Variants in BCAS3 observed in about 807,000 individuals in gnomAD.
BCAS3 encodes the protein BCAS3 microtubule associated cell migration factor, also known as BCAS4/BCAS3 fusion.
A neutral mutation model predicts 116.1 loss-of-function variants in BCAS3; 53 were observed. That is an observed-to-expected ratio of 0.46 (90% CI 0.37 to 0.57). The LOEUF is 0.57. Ranked by LOEUF, BCAS3 falls within the 20% of genes least tolerant of loss-of-function variation. The pLI is 0.00. For missense variants in BCAS3, 917 were observed against 1,165.4 expected (o/e 0.79, Z 3.10); for synonymous variants, 391 against 408.2 (o/e 0.96, Z 0.51).
intron 6 of BCAS3, among the ~76,000 whole-genome samples, chr17:60,759,050 T>A (rs1240636867): frequency 6.6e-6 from 1 of 151,768 alleles, no homozygotes; most frequent in Non-Finnish European, 1.5e-5. Flanking sequence ...CTCGACTCAC[T>A]GCAACCTCTG....
Position 61,040,812 on chromosome 17 carries a change from T to C in BCAS3, c.1949T>C (p.Leu650Ser), listed in dbSNP as rs774608547. The change falls in exon 19 of 24, where the codon TTG (leucine) becomes TCG (serine). Residue 650 changes from leucine to serine, a missense_variant. By Grantham distance (145) the Leu-to-Ser change is moderately radical. Transcript: ENST00000407086. ...TLVRTPQWNELQPPFNANHPL... is the reference protein window; with the variant it reads ...TLVRTPQWNESQPPFNANHPL... ...CTTAGAACCCCTCAATGGAATGAAT[T>C]GCAGCCACCGTTTAATGCAAACCAC... is the stretch of plus-strand genomic sequence containing the variant. 1.9e-6 allele frequency: 3 copies of C among 1,614,074 alleles called. No homozygotes were observed. Among genetic ancestry groups the C allele is most frequent in the Non-Finnish European group, 2.5e-6 (3 of 1,179,922 alleles).
intron 22 of BCAS3, among the ~76,000 whole-genome samples, chr17:61,242,795 C>G (rs2047627685): frequency 6.6e-6 from 1 of 151,746 alleles, no homozygotes; most frequent in Non-Finnish European, 1.5e-5. Flanking sequence ...TTATTGCCTC[C>G]TTCACTGCCT....
intron 6 of BCAS3, among the ~76,000 whole-genome samples, chr17:60,775,514 T>TGCA (rs200162434): frequency 0.024 from 3,701 of 152,178 alleles, 149 homozygotes; most frequent in African/African-American, 0.083. Flanking sequence ...TTTTTTCTCT[T>TGCA]GTTGTTGTTA....
intron 22 of BCAS3, among the ~76,000 whole-genome samples, chr17:61,193,836 G>A: frequency 6.7e-6 from 1 of 148,922 alleles, no homozygotes. Flanking sequence ...AAAAGTACAA[G>A]CCGGGCGTGG....
chr17:61,317,227 G>A (rs781448172), intron 22 of BCAS3, among the ~76,000 whole-genome samples: 6 of 152,094 alleles, frequency 3.9e-5, no homozygotes, highest in African/African-American at 4.8e-5. Context: ...CCTGCTCCAC[G>A]TCTTCTTGCT....
rs561187705 is a variant in BCAS3, at chr17:61,191,168, A to G, written c.2425+106604A>G. 1.5e-4 allele frequency among the ~76,000 whole-genome samples: 23 copies of G among 152,284 alleles called. No individual in the cohort carries two copies. In the South Asian group the frequency reaches 4.8e-3, roughly 32 times the overall value. ...AATTACACATCTACTCAGAAGGCTG[A>G]TGTGGGAGGACTGCTTGAGCCCGGG... On this transcript the variant is annotated intron_variant, in intron 22 of 23. Transcript: ENST00000407086.
intron 13 of BCAS3, among the ~76,000 whole-genome samples, chr17:60,937,624 A>G (rs150683026): frequency 1.3e-5 from 2 of 152,214 alleles, no homozygotes; most frequent in Admixed American, 1.3e-4. Flanking sequence ...CTACATTTCC[A>G]TATTTACCTT....
intron 7 of BCAS3, among the ~76,000 whole-genome samples, chr17:60,818,584 G>A (rs1477204684): frequency 1.3e-5 from 2 of 152,098 alleles, no homozygotes; most frequent in Non-Finnish European, 1.5e-5. Context: ...TTGTGTTTGC[G>A]AGTTCTGACC....
At chr17:61,322,856 C>CAGAGAGAGAG (rs149772722) in intron 22 of BCAS3, among the ~76,000 whole-genome samples, 16 of 60,506 alleles carry the variant, frequency 2.6e-4, no homozygotes, top group African/African-American at 7.5e-4. Flanking sequence ...GAGAGAGAGA[C>CAGAGAGAGAG]AGAGAGAGAG....
At chr17:60,855,452 ATTTTTTTTTT>A (rs565603643) in intron 7 of BCAS3, among the ~76,000 whole-genome samples, 1 of 125,754 alleles carries the variant, frequency 8.0e-6, no homozygotes, top group Non-Finnish European at 1.7e-5. Context: ...CTATTTTTAA[ATTTTTTTTTT>A]TTTTTTTTTT....
intron 6 of BCAS3, among the ~76,000 whole-genome samples, chr17:60,763,243 G>T (rs1487285037): frequency 6.6e-6 from 1 of 152,158 alleles, no homozygotes; most frequent in Non-Finnish European, 1.5e-5. Context: ...TTGAATAGGA[G>T]TGGTGAGAGA....
intron 5 of BCAS3, among the ~76,000 whole-genome samples, chr17:60,743,112 CAAAAA>C (rs528323733): frequency 5.9e-5 from 4 of 68,044 alleles, no homozygotes; most frequent in Non-Finnish European, 9.2e-5. Flanking sequence ...GACTCCTTCT[CAAAAA>C]AAAAAAAAAA....
intron 5 of BCAS3, among the ~76,000 whole-genome samples, chr17:60,718,274 T>C (rs2038864650): frequency 6.6e-6 from 1 of 152,132 alleles, no homozygotes; most frequent in African/African-American, 2.4e-5. Flanking sequence ...CCAGTTTTTT[T>C]TTCAGGCAAC....
intron 6 of BCAS3, among the ~76,000 whole-genome samples, chr17:60,754,880 C>T (rs1354817624): frequency 6.6e-6 from 1 of 151,986 alleles, no homozygotes; most frequent in Non-Finnish European, 1.5e-5. Context: ...AGATTTAGGG[C>T]TTCTCTAATG....
chr17:60,819,947 G>A (rs1446414108), intron 7 of BCAS3, among the ~76,000 whole-genome samples: 1 of 151,928 alleles, frequency 6.6e-6, no homozygotes, highest in Non-Finnish European at 1.5e-5. Context: ...TTCTAAGCAA[G>A]AGGAGATAAC....
At chr17:61,102,065 G>T (rs1197074363) in intron 22 of BCAS3, among the ~76,000 whole-genome samples, 2 of 151,972 alleles carry the variant, frequency 1.3e-5, no homozygotes, top group Non-Finnish European at 2.9e-5. Flanking sequence ...TAAAAATAAG[G>T]AATTACTAAG....
rs1362739989 is a variant in BCAS3 at position 61,020,213 on chromosome 17, A to G, written c.1637+4312A>G. On this transcript the variant is annotated intron_variant, in intron 16 of 23. Coordinates refer to ENST00000407086, the MANE Select transcript of BCAS3 (RefSeq NM_017679.5). The surrounding 1 kb of genome is among the most constrained non-coding windows in gnomAD (Gnocchi z 4.5). Reference sequence around the variant, plus strand: ...TCAACTTAAACCTTAAGGGGACAAAACGTGTGTTTACCATATTCAACATCT... The same window carrying G: ...TCAACTTAAACCTTAAGGGGACAAAGCGTGTGTTTACCATATTCAACATCT... 1.3e-5 allele frequency among the ~76,000 whole-genome samples: 2 copies of G among 152,206 alleles called. No individual in the cohort carries two copies. Among genetic ancestry groups the G allele is most frequent in the African/African-American group, 2.4e-5 (1 of 41,450 alleles).
chr17:60,954,952 G>C (rs1038469893), intron 14 of BCAS3, among the ~76,000 whole-genome samples: 2 of 151,968 alleles, frequency 1.3e-5, no homozygotes, highest in Non-Finnish European at 2.9e-5. Context: ...CAATATTCAT[G>C]TTAAAAATTA....
At chr17:61,078,226 A>C in intron 20 of BCAS3, 107 bp from the exon 21 acceptor site, 1 of 851,424 alleles carries the variant, frequency 1.2e-6, no homozygotes, top group South Asian at 1.8e-5. Context: ...CCACTTTAAC[A>C]TGGGCTTCTT....
Sources: gnomAD v4.1 joint callset for allele counts (sites outside exome capture counted in the v4.1 genomes callset) on GRCh38, gnomAD v4.1.1 for gene constraint, Gnocchi (gnomAD v3.1) non-coding constraint, MANE v1.5 for transcripts, NCBI Gene and HGNC (gene_info 2026-07-23, HGNC 2026-07-21) for gene names.